Variants in SLC28A1 observed in about 807,000 individuals in gnomAD.
The protein encoded by SLC28A1 is solute carrier family 28 member 1.
In SLC28A1, 64 loss-of-function variants were observed where a neutral mutation model predicts 74.8. That is an observed-to-expected ratio of 0.86 (90% CI 0.70 to 1.05). The LOEUF (loss-of-function observed/expected upper bound fraction) is 1.05, where lower values mean the gene tolerates loss of function less well. Among genes scored for constraint, SLC28A1 ranks in the 50% least tolerant of loss-of-function variants. The pLI, the probability that SLC28A1 is intolerant of heterozygous loss-of-function variation, is 0.00. For missense variants in SLC28A1, 828 were observed against 822.8 expected, an observed-to-expected ratio of 1.01 and a Z score of -0.08; for synonymous variants, 359 against 335.0, an observed-to-expected ratio of 1.07 and a Z score of -0.78.
At chr15:84,965,143 G>A in the SLC28A1 span, among the ~76,000 whole-genome samples, 1 of 152,176 alleles carries the variant, frequency 6.6e-6, no homozygotes, top group Non-Finnish European at 1.5e-5. Context: ...CCCCCATGCT[G>A]TTCTCATGAT....
At position 84,894,996 on chromosome 15, in the gene SLC28A1, C is replaced by T. The variant is rs1965805210; in HGVS notation, c.334C>T (p.Leu112=). 1 of 1,614,210 alleles carries T rather than the reference C, an allele frequency of 6.2e-7. No homozygotes were observed. Among genetic ancestry groups the T allele is most frequent in the East Asian group, 2.2e-5 (1 of 44,880 alleles). ...CCTGGATTTCCAGAGGGCCCTGGCT[C>T]TGTTTGTCCTCACCTGTGTGGTCCT... ...CLLDFQRALA[L]FVLTCVVLTF... The change falls in exon 6 of 19, where the codon CTG becomes TTG. Residue 112 remains leucine (L), a synonymous_variant. Transcript: ENST00000394573.
chr15:84,890,713 C>T (rs1390221532), intron 5 of SLC28A1, among the ~76,000 whole-genome samples, 179 bp downstream of exon 5: 1 of 152,224 alleles, frequency 6.6e-6, no homozygotes, highest in African/African-American at 2.4e-5. Context: ...ATCTTGTTCC[C>T]AAGGCACTCC....
intron 5 of SLC28A1, among the ~76,000 whole-genome samples, chr15:84,892,935 G>A (rs542782751): frequency 1.2e-4 from 19 of 152,222 alleles, no homozygotes; most frequent in East Asian, 5.8e-4. Flanking sequence ...GGTCCTGCCC[G>A]TCCCCAAACC....
the SLC28A1 span, among the ~76,000 whole-genome samples, chr15:84,967,762 G>A: frequency 6.6e-6 from 1 of 152,144 alleles, no homozygotes; most frequent in Non-Finnish European, 1.5e-5. Flanking sequence ...GGTGACTGTT[G>A]TTTCTAAGAA....
chr15:84,967,335 C>A, the SLC28A1 span, among the ~76,000 whole-genome samples: 1 of 152,172 alleles, frequency 6.6e-6, no homozygotes, highest in Non-Finnish European at 1.5e-5. Context: ...TTCTACCCCC[C>A]ACCTCACCAA....
intron 12 of SLC28A1, among the ~76,000 whole-genome samples, chr15:84,927,620 C>T (rs1717713412): frequency 1.3e-5 from 2 of 152,124 alleles, no homozygotes; most frequent in Admixed American, 1.3e-4. Flanking sequence ...CCCAGAAAGG[C>T]AGAGGGAAGT....
chr15:84,886,270 G>A lies in SLC28A1; in HGVS notation c.-132-402G>A, dbSNP rs1455796155. The A allele has an allele frequency of 5.1e-6, 5 of 985,254 alleles. No individual in the cohort carries two copies. In the East Asian group the frequency reaches 3.4e-4, roughly 67 times the overall value. 61.0% of individuals were successfully genotyped at this position (985,254 alleles called of 1,614,324 possible). On this transcript the variant is annotated intron_variant, in intron 1 of 18. Transcript: ENST00000394573. Reference sequence around the variant, plus strand: ...TTCCAGCACAGGAAAATTGGTTGCTGTTATAATAAATCCCCATCTAGTGAG... The same window carrying A: ...TTCCAGCACAGGAAAATTGGTTGCTATTATAATAAATCCCCATCTAGTGAG...
At chr15:84,919,486 TA>T (rs1216313506) in intron 10 of SLC28A1, among the ~76,000 whole-genome samples, 1 of 152,154 alleles carries the variant, frequency 6.6e-6, no homozygotes, top group East Asian at 1.9e-4. Context: ...CATGGCCAAA[TA>T]GAGGGTATGG....
At chr15:84,889,447 T>C (rs1264343446) in intron 4 of SLC28A1, among the ~76,000 whole-genome samples, 1 of 151,878 alleles carries the variant, frequency 6.6e-6, no homozygotes, top group Admixed American at 6.6e-5. Flanking sequence ...GCAGGGGATA[T>C]GGGAAGAATG....
At chr15:84,906,564 C>CTT (rs879660660) in intron 8 of SLC28A1, among the ~76,000 whole-genome samples, 6,997 of 73,988 alleles carry the variant, frequency 0.095, 465 homozygotes, top group South Asian at 0.19. Context: ...TTCTTTCTTT[C>CTT]TCTTTCTTTC....
chr15:84,949,348 A>G (rs555479146), downstream of SLC28A1, among the ~76,000 whole-genome samples: 5 of 152,292 alleles, frequency 3.3e-5, no homozygotes, highest in African/African-American at 1.2e-4. Flanking sequence ...TTAGGAGGAT[A>G]TTTGAAAGAG....
chr15:84,917,079 T>C (rs1411672434), intron 9 of SLC28A1, among the ~76,000 whole-genome samples: 1 of 122,304 alleles, frequency 8.2e-6, no homozygotes, highest in Non-Finnish European at 1.8e-5. Flanking sequence ...AATTCAGAAA[T>C]AAAGAAAAAA....
intron 13 of SLC28A1, among the ~76,000 whole-genome samples, chr15:84,934,651 C>A (rs191719656): frequency 1.8e-4 from 28 of 152,274 alleles, no homozygotes; most frequent in African/African-American, 6.3e-4. Flanking sequence ...ATTTTAATAA[C>A]CGATTTTACT....
intron 9 of SLC28A1, among the ~76,000 whole-genome samples, chr15:84,910,389 G>A (rs1967973546): frequency 6.6e-6 from 1 of 152,146 alleles, no homozygotes; most frequent in South Asian, 2.1e-4. Flanking sequence ...GTGACCTCTG[G>A]CGTCCACCCA....
At chr15:84,906,388 T>C (rs183691428) in intron 8 of SLC28A1, among the ~76,000 whole-genome samples, 1 of 152,236 alleles carries the variant, frequency 6.6e-6, no homozygotes, top group East Asian at 1.9e-4. Flanking sequence ...TGGATATGGC[T>C]CACTGCAGCG....
chr15:84,906,573 TCTTCCTTC>T (rs71135327), intron 8 of SLC28A1, among the ~76,000 whole-genome samples: 6,633 of 98,034 alleles, frequency 0.068, 408 homozygotes, highest in Middle Eastern at 0.11. Context: ...TCTCTTTCTT[TCTTCCTTC>T]CTTCCTTCCT....
chr15:84,894,403 A>T (rs1397612992), intron 5 of SLC28A1, among the ~76,000 whole-genome samples: 5 of 151,586 alleles, frequency 3.3e-5, no homozygotes, highest in Non-Finnish European at 7.4e-5. Context: ...AGGGAGAGAC[A>T]TCTCCCCCTC....
At chr15:84,932,517 A>T (rs1971437307) in intron 12 of SLC28A1, among the ~76,000 whole-genome samples, 1 of 152,204 alleles carries the variant, frequency 6.6e-6, no homozygotes, top group Non-Finnish European at 1.5e-5. Context: ...AGGAGTTCTC[A>T]AACTGCAGGA....
chr15:84,893,091 GC>G (rs200166507), intron 5 of SLC28A1, among the ~76,000 whole-genome samples: 2,443 of 118,846 alleles, frequency 0.021, 33 homozygotes, highest in Non-Finnish European at 0.027. Flanking sequence ...TTCCTGGCCC[GC>G]CCCGACCACA....
Sources: gnomAD v4.1 joint callset for allele counts (sites outside exome capture counted in the v4.1 genomes callset) on GRCh38, gnomAD v4.1.1 for gene constraint, MANE v1.5 for transcripts, NCBI Gene and HGNC (gene_info 2026-07-23, HGNC 2026-07-21) for gene names.